RHBDD1: variants seen among roughly 807,000 people sequenced by gnomAD.
The protein encoded by RHBDD1 is rhomboid domain containing 1, also known as rhomboid-related protein 4.
Under a neutral mutation model 36.3 loss-of-function variants are expected in RHBDD1, and 38 were observed. The observed-to-expected ratio is 1.05, with a 90% CI of 0.81 to 1.37. RHBDD1 has a LOEUF of 1.37. Ranked by LOEUF, RHBDD1 falls within the 40% of genes most tolerant of loss-of-function variation. The pLI is 0.00. For synonymous variants in RHBDD1, 151 were observed against 136.5 expected (o/e 1.11, Z -0.74); for missense variants, 393 against 377.6 (o/e 1.04, Z -0.34).
At chr2:226,918,471 T>C (rs916065000) in intron 8 of RHBDD1, among the ~76,000 whole-genome samples, 2 of 151,924 alleles carry the variant, frequency 1.3e-5, no homozygotes, top group Non-Finnish European at 2.9e-5. Context: ...CTGCTCATCC[T>C]CCACCCCAGC....
chr2:226,840,301 C>T (rs544711410), intron 3 of RHBDD1, among the ~76,000 whole-genome samples: 39 of 152,212 alleles, frequency 2.6e-4, no homozygotes, highest in Admixed American at 2.1e-3. Flanking sequence ...GGGCAAGAGA[C>T]CTTTGGGATC....
intron 8 of RHBDD1, among the ~76,000 whole-genome samples, chr2:226,978,944 G>T (rs1955083183): frequency 6.6e-6 from 1 of 152,170 alleles, no homozygotes; most frequent in Non-Finnish European, 1.5e-5. Context: ...GTTTAGGGTT[G>T]TGTTAGAGTT....
At chr2:226,825,166 G>A in the RHBDD1 span, among the ~76,000 whole-genome samples, 1 of 152,120 alleles carries the variant, frequency 6.6e-6, no homozygotes. Flanking sequence ...AGGAGGGGTG[G>A]TTTAGAAAGT....
chr2:226,878,187 G>A (rs73085815), intron 5 of RHBDD1, among the ~76,000 whole-genome samples: 2,412 of 152,198 alleles, frequency 0.016, 60 homozygotes, highest in African/African-American at 0.055. Flanking sequence ...AGCTTCCAAG[G>A]GAGCTTCATG....
At chr2:226,892,722 A>G (rs1394653981) in intron 5 of RHBDD1, among the ~76,000 whole-genome samples, 4 of 152,212 alleles carry the variant, frequency 2.6e-5, no homozygotes, top group Non-Finnish European at 4.4e-5. Flanking sequence ...TATTGGCCCA[A>G]TATGGCAACT....
At chr2:226,906,059 G>T (rs546072465) in intron 5 of RHBDD1, among the ~76,000 whole-genome samples, 27 of 152,240 alleles carry the variant, frequency 1.8e-4, no homozygotes, top group African/African-American at 6.3e-4. Context: ...TTCAGCCAGG[G>T]AACTCCACAA....
At chr2:226,907,168 T>C (rs541254904) in intron 6 of RHBDD1, 1 of 503,818 alleles carries the variant, frequency 2.0e-6, no homozygotes, top group Non-Finnish European at 3.6e-6. Flanking sequence ...CACGATTTCC[T>C]AAAGAATGCA....
chr2:226,810,382 A>G, the RHBDD1 span, among the ~76,000 whole-genome samples: 1 of 151,814 alleles, frequency 6.6e-6, no homozygotes, highest in Non-Finnish European at 1.5e-5. Context: ...TCTACTAAAA[A>G]TATAAAAATT....
At chr2:226,893,825 C>G (rs758663148) in intron 5 of RHBDD1, among the ~76,000 whole-genome samples, 2 of 152,034 alleles carry the variant, frequency 1.3e-5, no homozygotes, top group African/African-American at 4.8e-5. Flanking sequence ...GGACAGACCT[C>G]CACGATAAAA....
At chr2:226,824,472 C>T in the RHBDD1 span, among the ~76,000 whole-genome samples, 4 of 152,058 alleles carry the variant, frequency 2.6e-5, no homozygotes, top group Admixed American at 6.6e-5. Context: ...AGAACAAATT[C>T]CCTGGGAAAG....
At position 226,889,329 on chromosome 2, in the gene RHBDD1, A is replaced by C. The variant is rs568189241; in HGVS notation, c.567-17464A>C. ...TTCAGGGTCCTCTTCAGAGATCTTT[A>C]TTTTTAACAATGGCTTGAGGTCCCC... On this transcript the variant is annotated intron_variant, in intron 5 of 8. Transcript: ENST00000392062. Among the ~76,000 whole-genome samples, 21 of 152,252 alleles carry C rather than the reference A, an allele frequency of 1.4e-4. No homozygotes were observed. The South Asian group carries it at 3.5e-3, about 26-fold the overall frequency.
intron 5 of RHBDD1, among the ~76,000 whole-genome samples, chr2:226,888,591 A>G (rs1946425730): frequency 6.6e-6 from 1 of 151,970 alleles, no homozygotes; most frequent in African/African-American, 2.4e-5. Flanking sequence ...TCTCATCTTT[A>G]TCCTGACCTT....
At chr2:226,837,122 C>T (rs1941065502) in intron 1 of RHBDD1, among the ~76,000 whole-genome samples, 1 of 152,126 alleles carries the variant, frequency 6.6e-6, no homozygotes, top group Non-Finnish European at 1.5e-5. Context: ...ATTGTGGAAT[C>T]ACATATAATG....
chr2:226,876,267 GGT>G (rs1319950108), intron 5 of RHBDD1, among the ~76,000 whole-genome samples: 2 of 152,198 alleles, frequency 1.3e-5, no homozygotes, highest in Non-Finnish European at 2.9e-5. Flanking sequence ...ATTGGTGGCA[GGT>G]GTCCATTTAC....
At chr2:226,995,298 C>G in intron 8 of RHBDD1, 133 bp from the exon 9 acceptor site, 1 of 656,416 alleles carries the variant, frequency 1.5e-6, no homozygotes, top group Non-Finnish European at 2.7e-6. Context: ...GTTGAAAAAT[C>G]TTTGTTATAT....
In RHBDD1 at chr2:226,841,509, G is replaced by A. The variant is rs146828381; in HGVS notation, c.-91+1882G>A. Among the ~76,000 whole-genome samples the A allele has an allele frequency of 2.6e-3, 400 of 152,242 alleles. 2 individuals carry two copies. Among genetic ancestry groups the A allele is most frequent in the African/African-American group, 8.6e-3 (356 of 41,534 alleles). ...TGGTGGCTCCCTGCTCTGTGTCCAT[G>A]TGTTCTCATCATTTAGCTCCCAGTT... On this transcript the variant is annotated intron_variant, in intron 3 of 8. Transcript: ENST00000392062.
intron 8 of RHBDD1, among the ~76,000 whole-genome samples, chr2:226,991,304 C>G (rs1028716342): frequency 6.6e-6 from 1 of 152,168 alleles, no homozygotes; most frequent in African/African-American, 2.4e-5. Flanking sequence ...CCTCAGCCTC[C>G]CAAGTAGCAC....
At chr2:226,883,911 G>A (rs1175940899) in intron 5 of RHBDD1, among the ~76,000 whole-genome samples, 1 of 152,056 alleles carries the variant, frequency 6.6e-6, no homozygotes, top group Non-Finnish European at 1.5e-5. Context: ...CAATTATTTT[G>A]ACTCGATTTT....
chr2:226,963,857 C>G (rs898697109), intron 8 of RHBDD1, among the ~76,000 whole-genome samples: 1 of 152,130 alleles, frequency 6.6e-6, no homozygotes, highest in Non-Finnish European at 1.5e-5. Flanking sequence ...CCCCAACCTC[C>G]CATCATGAAA....
Sources: allele counts gnomAD v4.1 joint callset (sites outside exome capture counted in the v4.1 genomes callset), GRCh38; gene constraint gnomAD v4.1.1; transcripts MANE v1.5; gene names NCBI Gene and HGNC (gene_info 2026-07-23, HGNC 2026-07-21).